DEF6: variants seen among roughly 807,000 people sequenced by gnomAD.
DEF6 encodes differentially expressed in FDCP 6 homolog.
A neutral mutation model predicts 80.5 loss-of-function variants in DEF6; 32 were observed. The observed-to-expected ratio is 0.40, with a 90% CI of 0.30 to 0.53. The LOEUF is 0.53. Ranked by LOEUF, DEF6 falls within the 20% of genes least tolerant of loss-of-function variation. The pLI is 0.57. For missense variants in DEF6, 575 were observed against 818.7 expected, an observed-to-expected ratio of 0.70 and a Z score of 3.63; for synonymous variants, 300 against 337.9, an observed-to-expected ratio of 0.89 and a Z score of 1.23.
intron 1 of DEF6, among the ~76,000 whole-genome samples, chr6:35,304,515 A>G (rs1245926270): frequency 6.6e-6 from 1 of 152,242 alleles, no homozygotes; most frequent in Admixed American, 6.5e-5. Flanking sequence ...CTGGAGGAAC[A>G]TTAAGAAGGC....
intron 1 of DEF6, 60 bp downstream of exon 1, chr6:35,298,012 C>G: frequency 7.0e-7 from 1 of 1,435,838 alleles, no homozygotes; most frequent in South Asian, 1.2e-5. Flanking sequence ...CCCCTGCCGC[C>G]TGGGAGCCAG....
At chr6:35,306,848 A>T (rs566863519) in intron 1 of DEF6, among the ~76,000 whole-genome samples, 3 of 152,232 alleles carry the variant, frequency 2.0e-5, no homozygotes, top group Admixed American at 1.3e-4. Context: ...CTCTTCACTC[A>T]AAACAGCCTT....
intron 2 of DEF6, 63 bp downstream of exon 2, chr6:35,309,873 C>A: frequency 6.3e-7 from 1 of 1,584,202 alleles, no homozygotes; most frequent in Non-Finnish European, 8.6e-7. Context: ...TGGCCAGCAG[C>A]CTAATACCTT....
intron 5 of DEF6, 146 bp from the exon 6 acceptor site, chr6:35,317,745 A>G (rs1034753208): frequency 6.7e-6 from 4 of 600,488 alleles, no homozygotes; most frequent in Non-Finnish European, 1.1e-5. Context: ...ATAACTTATG[A>G]TGCAAGCCAT....
At chr6:35,310,295 C>G (rs530543899) in intron 2 of DEF6, among the ~76,000 whole-genome samples, 164 bp from the exon 3 acceptor site, 2 of 152,174 alleles carry the variant, frequency 1.3e-5, no homozygotes. Context: ...GTGGTTGGAA[C>G]CAGCTAGTTA....
intron 1 of DEF6, among the ~76,000 whole-genome samples, chr6:35,307,841 A>G (rs1028181308): frequency 6.6e-6 from 1 of 152,166 alleles, no homozygotes; most frequent in Non-Finnish European, 1.5e-5. Context: ...TCCTCTCTGA[A>G]AAGAGAATAA....
intron 1 of DEF6, among the ~76,000 whole-genome samples, chr6:35,299,523 G>T (rs1791284864): frequency 6.6e-6 from 1 of 152,078 alleles, no homozygotes; most frequent in Non-Finnish European, 1.5e-5. Context: ...AGCCAGTAAA[G>T]CCTCCTAGCT....
At chr6:35,311,345 GGA>G (rs1199555337) in intron 3 of DEF6, among the ~76,000 whole-genome samples, 4 of 152,116 alleles carry the variant, frequency 2.6e-5, no homozygotes, top group Non-Finnish European at 5.9e-5. Context: ...GGGGTTTACA[GGA>G]GAGGGGGCTT....
At chr6:35,304,743 G>A (rs954222214) in intron 1 of DEF6, among the ~76,000 whole-genome samples, 17 of 152,056 alleles carry the variant, frequency 1.1e-4, no homozygotes, top group African/African-American at 4.1e-4. Context: ...TGAGATTAGA[G>A]TCATTGCTGC....
At chr6:35,298,031 A>C (rs1246951003) in intron 1 of DEF6, 79 bp downstream of exon 1, 1 of 1,261,426 alleles carries the variant, frequency 7.9e-7, no homozygotes, top group Admixed American at 2.0e-5. Flanking sequence ...AGGTGTGGAC[A>C]CTGTGCCACT....
chr6:35,321,473 G>A lies in DEF6; in HGVS notation c.*63G>A. ...ACCAGGACCTGGCCACAGCTGGCCTGTGGGTGATCCCAGCTCTTACTAGGA... is the reference window on the plus strand; with the variant it reads ...ACCAGGACCTGGCCACAGCTGGCCTATGGGTGATCCCAGCTCTTACTAGGA... On this transcript the variant is annotated 3_prime_UTR_variant, in exon 11 of 11. Coordinates refer to ENST00000316637, the MANE Select transcript of DEF6 (RefSeq NM_022047.4). 1 of 1,492,270 alleles carries A rather than the reference G, an allele frequency of 6.7e-7. No individual in the cohort carries two copies. The highest frequency in any genetic ancestry group is 1.2e-5 in the South Asian group (1 of 82,914). The allele number at this position is 1,492,270 out of a possible 1,614,324, so 92.4% of individuals were successfully genotyped here.
rs1791477777 is a variant in DEF6, at chr6:35,312,322, G to A, written c.444G>A (p.Lys148=). 2 of 1,614,002 alleles carry A rather than the reference G, an allele frequency of 1.2e-6. No homozygotes were observed. The change falls in exon 4 of 11, where the codon AAG becomes AAA. Residue 148 remains lysine, a synonymous_variant. Transcript: ENST00000316637. The surrounding 1 kb of genome is among the most constrained non-coding windows in gnomAD (Gnocchi z 6.6). ...VPDEVEYLLK[K]VLSSMSLEVS... ...TCCAGGTGGAATACCTGCTGAAAAA[G>A]GTACTCAGCAGCATGAGCTTGGAGG...
At position 35,301,192 on chromosome 6, in the gene DEF6, T is replaced by C. The variant is rs144338426; in HGVS notation, c.96+3240T>C. Among the ~76,000 whole-genome samples, 313 of 152,194 alleles carry C rather than the reference T, an allele frequency of 2.1e-3. 1 individual carries two copies. Among genetic ancestry groups the C allele is most frequent in the African/African-American group, 7.2e-3 (298 of 41,494 alleles). On this transcript the variant is annotated intron_variant, in intron 1 of 10. Coordinates refer to ENST00000316637, the MANE Select transcript of DEF6 (RefSeq NM_022047.4). ...CCTCTGGAGAGGGACAACCACCTTCTCCTTAGTGGAGGAAAAGTTAAGAAC... is the reference window on the plus strand; with the variant it reads ...CCTCTGGAGAGGGACAACCACCTTCCCCTTAGTGGAGGAAAAGTTAAGAAC...
chr6:35,308,717 TAAAATAAAATA>T (rs1170176741), intron 1 of DEF6, among the ~76,000 whole-genome samples: 4 of 98,028 alleles, frequency 4.1e-5, no homozygotes, highest in Non-Finnish European at 4.9e-5. Context: ...TAAAATAAAA[TAAAATAAAATA>T]AATAAAATAA....
Position 35,312,788 on chromosome 6 carries a change from G to A in DEF6, c.807+16G>A, listed in dbSNP as rs183880571. The stretch of plus-strand genomic sequence containing the variant: ...CTGCGTGGAGGTGAGGGGCAGGATG[G>A]GGGTGGAGGACATCTCAGGGCCCAG... On this transcript the variant is annotated intron_variant, in intron 5 of 10. Transcript: ENST00000316637. This position sits in a 1 kb window ranked among gnomAD's most constrained non-coding sequence, Gnocchi z 6.6. 5 of 1,608,312 alleles carry A rather than the reference G, an allele frequency of 3.1e-6. No individual in the cohort carries two copies. In the African/African-American group the frequency reaches 5.3e-5, roughly 17 times the overall value.
Position 35,319,596 on chromosome 6 carries a change from G to C in DEF6, c.1288G>C (p.Glu430Gln). The C allele has an allele frequency of 6.2e-7, 1 of 1,614,108 alleles. No homozygotes were observed. The highest frequency in any genetic ancestry group is 8.5e-7 in the Non-Finnish European group (1 of 1,180,006). ...TGCCCGGCAGCGGCAGCGCATCAAG[G>C]AGCTGGAGGAGATGCAGCAGCGGTT... is the stretch of plus-strand genomic sequence containing the variant. ...EAARQRQRIK[E>Q]LEEMQQRLQE... The change falls in exon 8 of 11, where the codon GAG becomes CAG. Residue 430 changes from glutamate to glutamine, a missense_variant. Glu to Gln is a conservative substitution (Grantham distance 29). Transcript: ENST00000316637. The surrounding 1 kb of genome is among the most constrained non-coding windows in gnomAD (Gnocchi z 4.5).
intron 9 of DEF6, among the ~76,000 whole-genome samples, chr6:35,320,650 G>A (rs981925968): frequency 2.6e-5 from 4 of 152,140 alleles, no homozygotes; most frequent in Non-Finnish European, 2.9e-5. Flanking sequence ...CTCAATAAAC[G>A]GAAACTATTA....
Position 35,320,912 on chromosome 6 carries a change from G to T in DEF6, c.1610G>T (p.Ser537Ile). Residue 537 changes from serine (S) to isoleucine (I), a missense_variant, in exon 10 of 11, where the codon AGC becomes ATC. Coordinates refer to ENST00000316637, the MANE Select transcript of DEF6 (RefSeq NM_022047.4). ...GCCCAGAGAAAACTGCGCCAGGCCA[G>T]CACCAACGTGAAACACTGGAATGTC... Reference protein sequence around the residue: ...EAAQRKLRQASTNVKHWNVQM... With the variant: ...EAAQRKLRQAITNVKHWNVQM... The T allele has an allele frequency of 6.2e-7, 1 of 1,611,108 alleles. No individual in the cohort carries two copies.
intron 1 of DEF6, among the ~76,000 whole-genome samples, chr6:35,302,776 C>T (rs975792735): frequency 3.3e-5 from 5 of 152,268 alleles, no homozygotes; most frequent in East Asian, 1.9e-4. Flanking sequence ...CTGGGCTGGG[C>T]GGGCATGTTT....
Sources: allele counts gnomAD v4.1 joint callset (sites outside exome capture counted in the v4.1 genomes callset), GRCh38; gene constraint gnomAD v4.1.1; non-coding constraint Gnocchi (gnomAD v3.1); transcripts MANE v1.5; gene names NCBI Gene and HGNC (gene_info 2026-07-23, HGNC 2026-07-21).